PCCA: variants seen among roughly 807,000 people sequenced by gnomAD.
PCCA encodes propionyl-CoA carboxylase alpha chain, mitochondrial.
PCCA carries 74 observed loss-of-function variants against 101.3 expected under a neutral mutation model. The ratio of observed to expected loss-of-function variants is 0.73; its 90% confidence interval spans 0.61 to 0.89. The LOEUF (loss-of-function observed/expected upper bound fraction) is 0.89, where lower values mean the gene tolerates loss of function less well. Ranked by LOEUF, PCCA falls within the 40% of genes least tolerant of loss-of-function variation. PCCA has a pLI of 0.00. For synonymous variants in PCCA, 294 were observed against 313.6 expected (o/e 0.94, Z 0.66); for missense variants, 891 against 907.0 (o/e 0.98, Z 0.23).
intron 20 of PCCA, among the ~76,000 whole-genome samples, chr13:100,440,156 TTATATATATATATATA>T (rs398024171): frequency 0.047 from 4,387 of 92,688 alleles, 126 homozygotes; most frequent in Non-Finnish European, 0.053. Flanking sequence ...GAGTATTAAA[TTATATATATATATATA>T]TATATATATA....
chr13:100,519,542 T>A (rs989366330), intron 22 of PCCA, among the ~76,000 whole-genome samples: 1 of 152,232 alleles, frequency 6.6e-6, no homozygotes. Context: ...CACTTCACCC[T>A]GATTTTGTTT....
intron 4 of PCCA, chr13:100,149,815 A>G (rs957132491): frequency 6.6e-6 from 1 of 152,174 alleles, no homozygotes; most frequent in Non-Finnish European, 1.5e-5. Flanking sequence ...CTTTCTCAGT[A>G]TGTACTAGTT....
intron 6 of PCCA, among the ~76,000 whole-genome samples, chr13:100,208,077 C>T (rs2058978284): frequency 6.6e-6 from 1 of 152,144 alleles, no homozygotes; most frequent in African/African-American, 2.4e-5. Flanking sequence ...ACCTCTATAT[C>T]TGCCTCCTGA....
chr13:100,329,745 G>T (rs1335143733), intron 16 of PCCA, among the ~76,000 whole-genome samples: 1 of 152,150 alleles, frequency 6.6e-6, no homozygotes, highest in Admixed American at 6.5e-5. Context: ...GCTGGACCAA[G>T]AAGAAGCTCC....
chr13:100,464,006 T>A (rs1289634404), intron 21 of PCCA, among the ~76,000 whole-genome samples: 1 of 152,230 alleles, frequency 6.6e-6, no homozygotes, highest in Non-Finnish European at 1.5e-5. Flanking sequence ...TACGCGTGTA[T>A]GGTGCTTTAG....
chr13:100,363,007 T>G (rs1164280977), intron 18 of PCCA, among the ~76,000 whole-genome samples: 1 of 152,214 alleles, frequency 6.6e-6, no homozygotes, highest in Non-Finnish European at 1.5e-5. Context: ...GGCTCAGATT[T>G]TTGTTTGGTT....
At chr13:100,469,637 G>A (rs537789146) in intron 21 of PCCA, among the ~76,000 whole-genome samples, 28 of 152,056 alleles carry the variant, frequency 1.8e-4, no homozygotes, top group East Asian at 3.9e-4. Context: ...TTAGCTGGGC[G>A]TGGTGGCAGG....
At chr13:100,398,752 T>C (rs1488202136) in intron 19 of PCCA, among the ~76,000 whole-genome samples, 2 of 152,158 alleles carry the variant, frequency 1.3e-5, no homozygotes, top group African/African-American at 4.8e-5. Flanking sequence ...ACATCTCCCA[T>C]ACTTTTAGAT....
At chr13:100,449,551 A>G (rs778253246) in intron 21 of PCCA, among the ~76,000 whole-genome samples, 5 of 152,198 alleles carry the variant, frequency 3.3e-5, no homozygotes, top group Non-Finnish European at 5.9e-5. Context: ...TAGGGGCACA[A>G]TCTCAGCTCA....
At chr13:100,501,731 G>A (rs773621209) in intron 21 of PCCA, among the ~76,000 whole-genome samples, 1 of 152,014 alleles carries the variant, frequency 6.6e-6, no homozygotes, top group East Asian at 1.9e-4. Context: ...AAAATTAGCC[G>A]GGCATGGTGG....
At chr13:100,298,873 T>A (rs1450491954) in intron 12 of PCCA, among the ~76,000 whole-genome samples, 1 of 151,534 alleles carries the variant, frequency 6.6e-6, no homozygotes. Flanking sequence ...ATTTAAGCAA[T>A]GTTGTGCTTA....
chr13:100,143,328 T>A (rs1270420769), intron 4 of PCCA, among the ~76,000 whole-genome samples: 3 of 151,876 alleles, frequency 2.0e-5, no homozygotes, highest in African/African-American at 7.3e-5. Context: ...GTCAGGAGTT[T>A]GAGACTAGCC....
At chr13:100,400,486 A>G (rs542978773) in intron 19 of PCCA, among the ~76,000 whole-genome samples, 2 of 152,150 alleles carry the variant, frequency 1.3e-5, no homozygotes, top group African/African-American at 4.8e-5. Flanking sequence ...AATTAAAGGA[A>G]TGGCTCTTGG....
intron 6 of PCCA, among the ~76,000 whole-genome samples, chr13:100,207,802 G>T (rs1260784726): frequency 7.9e-5 from 12 of 152,032 alleles, no homozygotes; most frequent in South Asian, 4.2e-4. Flanking sequence ...GGTGGATCAT[G>T]AGATTAAGAG....
intron 8 of PCCA, among the ~76,000 whole-genome samples, chr13:100,243,979 TATTTCATGCAGCTTAGA>T (rs1270831556): frequency 6.6e-6 from 1 of 152,238 alleles, no homozygotes; most frequent in Non-Finnish European, 1.5e-5. Context: ...TTATTTTGTC[TATTTCATGCAGCTTAGA>T]AAAATTTTCA....
chr13:100,290,686 C>T (rs1228181806), intron 12 of PCCA, among the ~76,000 whole-genome samples: 1 of 152,198 alleles, frequency 6.6e-6, no homozygotes, highest in Non-Finnish European at 1.5e-5. Flanking sequence ...CTATTTCCTT[C>T]CATCAGCAAT....
At chr13:100,301,691 GT>G in intron 13 of PCCA, 88 bp downstream of exon 13, 1 of 1,411,740 alleles carries the variant, frequency 7.1e-7, no homozygotes, top group Non-Finnish European at 1.0e-6. Flanking sequence ...TAAAGTTAGG[GT>G]TTTATAATGT....
At chr13:100,427,265 A>C (rs1247089230) in intron 20 of PCCA, among the ~76,000 whole-genome samples, 1 of 152,198 alleles carries the variant, frequency 6.6e-6, no homozygotes, top group Non-Finnish European at 1.5e-5. Context: ...GTTTTGTTAT[A>C]CTGGTTTATG....
At chr13:100,522,503 GAGT>G (rs1391244525) in intron 22 of PCCA, among the ~76,000 whole-genome samples, 4 of 152,182 alleles carry the variant, frequency 2.6e-5, no homozygotes, top group South Asian at 2.1e-4. Flanking sequence ...AGTTGCTAGA[GAGT>G]GGGCTTCCTG....
Sources: gnomAD v4.1 joint callset for allele counts (sites outside exome capture counted in the v4.1 genomes callset) on GRCh38, gnomAD v4.1.1 for gene constraint, MANE v1.5 for transcripts, NCBI Gene and HGNC (gene_info 2026-07-23, HGNC 2026-07-21) for gene names.